CRB1: variants seen among roughly 807,000 people sequenced by gnomAD.
CRB1 encodes the protein crumbs cell polarity complex component 1.
In CRB1, 83 loss-of-function variants were observed where a neutral mutation model predicts 120.0. The observed-to-expected ratio is 0.69, with a 90% CI of 0.58 to 0.83. CRB1 has a LOEUF of 0.83. CRB1 is among the 40% of genes least tolerant of loss of function. The pLI is 0.00. For missense variants in CRB1, 1,699 were observed against 1,687.6 expected (o/e 1.01, Z -0.12); for synonymous variants, 625 against 612.5 (o/e 1.02, Z -0.30).
At chr1:197,452,101 T>C (rs968962864) in intron 11 of CRB1, among the ~76,000 whole-genome samples, 1 of 152,200 alleles carries the variant, frequency 6.6e-6, no homozygotes, top group Admixed American at 6.5e-5. Context: ...CTTCTTTATG[T>C]ATGAGATGAA....
chr1:197,214,700 C>T, the CRB1 span, among the ~76,000 whole-genome samples: 1 of 152,080 alleles, frequency 6.6e-6, no homozygotes, highest in African/African-American at 2.4e-5. Context: ...AACTTCACAA[C>T]AAAGGAAAGT....
chr1:197,255,778 C>A, the CRB1 span, among the ~76,000 whole-genome samples: 1 of 151,554 alleles, frequency 6.6e-6, no homozygotes, highest in Admixed American at 6.6e-5. Flanking sequence ...GTGATTCAGT[C>A]TAATACTTCA....
chr1:197,213,716 A>G, the CRB1 span, among the ~76,000 whole-genome samples: 1 of 152,222 alleles, frequency 6.6e-6, no homozygotes, highest in Admixed American at 6.5e-5. Context: ...GCTAGAAATC[A>G]ATAACAGGGA....
chr1:197,345,272 A>G (rs1659699183), intron 3 of CRB1, among the ~76,000 whole-genome samples: 1 of 152,148 alleles, frequency 6.6e-6, no homozygotes, highest in Non-Finnish European at 1.5e-5. Context: ...AGTGGAAGGC[A>G]AGATAAGTAT....
At chr1:197,293,246 C>T (rs1656303877) in intron 1 of CRB1, among the ~76,000 whole-genome samples, 1 of 152,118 alleles carries the variant, frequency 6.6e-6, no homozygotes, top group Non-Finnish European at 1.5e-5. Flanking sequence ...GCAAAAATCA[C>T]AAGCATTCTT....
intron 5 of CRB1, chr1:197,363,750 C>A (rs1660909152): frequency 3.4e-6 from 2 of 586,232 alleles, no homozygotes; most frequent in East Asian, 3.2e-5. Context: ...CCTTGCCATC[C>A]CTGCCCTTTC....
At chr1:197,359,238 C>T (rs553915972) in intron 5 of CRB1, among the ~76,000 whole-genome samples, 95 of 152,286 alleles carry the variant, frequency 6.2e-4, no homozygotes, top group African/African-American at 2.3e-3. Context: ...TCCCTGCCTC[C>T]TCATCCCTTA....
intron 1 of CRB1, among the ~76,000 whole-genome samples, chr1:197,323,773 A>G (rs1294278310): frequency 6.6e-6 from 1 of 152,068 alleles, no homozygotes; most frequent in Non-Finnish European, 1.5e-5. Flanking sequence ...TTGGTCCCTT[A>G]CCCTACCTAA....
chr1:197,209,315 T>G, the CRB1 span, among the ~76,000 whole-genome samples: 16 of 151,390 alleles, frequency 1.1e-4, 1 homozygote, highest in Admixed American at 1.1e-3. Flanking sequence ...TCTTGCCATT[T>G]TTGTTTTGTT....
At chr1:197,303,830 A>T (rs781100967) in intron 1 of CRB1, among the ~76,000 whole-genome samples, 2 of 152,094 alleles carry the variant, frequency 1.3e-5, no homozygotes, top group Non-Finnish European at 2.9e-5. Flanking sequence ...GCTGTTGAAA[A>T]CATACATTGA....
the CRB1 span, among the ~76,000 whole-genome samples, chr1:197,237,458 AT>A: frequency 6.6e-6 from 1 of 152,120 alleles, no homozygotes; most frequent in Non-Finnish European, 1.5e-5. Context: ...AAGATCACTA[AT>A]CCCATTCACA....
Position 197,344,413 on chromosome 1 carries a change from A to G in CRB1, c.785A>G (p.Asn262Ser). 1.9e-6 allele frequency: 3 copies of G among 1,614,004 alleles called. No individual in the cohort carries two copies. Among genetic ancestry groups the G allele is most frequent in the African/African-American group, 1.3e-5 (1 of 74,992 alleles). Residue 262 changes from asparagine (N) to serine (S), a missense_variant, in exon 3 of 12, where the codon AAC becomes AGC. Transcript: ENST00000367400. ...PGFLGDHCELNTDECASQPCL... is the reference protein window; with the variant it reads ...PGFLGDHCELSTDECASQPCL... Reference sequence around the variant, plus strand: ...TTCCTGGGGGATCACTGTGAACTCAACACTGATGAGTGTGCCAGTCAACCT... The same window carrying G: ...TTCCTGGGGGATCACTGTGAACTCAGCACTGATGAGTGTGCCAGTCAACCT...
chr1:197,388,983 T>C (rs989344539), intron 5 of CRB1, among the ~76,000 whole-genome samples: 3 of 152,098 alleles, frequency 2.0e-5, no homozygotes, highest in African/African-American at 4.8e-5. Flanking sequence ...ATTAGAGGAA[T>C]GCAAATCAAA....
chr1:197,436,829 G>T (rs144988822), intron 9 of CRB1, among the ~76,000 whole-genome samples: 3 of 152,238 alleles, frequency 2.0e-5, no homozygotes, highest in East Asian at 3.9e-4. Context: ...CACTGCAAAA[G>T]TGGATAATCC....
chr1:197,432,878 A>C (rs1043959529), intron 8 of CRB1, among the ~76,000 whole-genome samples: 1 of 152,106 alleles, frequency 6.6e-6, no homozygotes, highest in Non-Finnish European at 1.5e-5. Flanking sequence ...CTGGGGAAAT[A>C]ATATTCTTGG....
intron 4 of CRB1, among the ~76,000 whole-genome samples, chr1:197,355,628 T>C (rs972327696): frequency 1.3e-5 from 2 of 152,332 alleles, no homozygotes; most frequent in Non-Finnish European, 2.9e-5. Flanking sequence ...CCTCCACAGC[T>C]GCTGGCCCGG....
chr1:197,429,488 T>G lies in CRB1; in HGVS notation c.2716T>G (p.Trp906Gly), dbSNP rs1295526099. Residue 906 changes from tryptophan (W) to glycine (G), a missense_variant, in exon 8 of 12, where the codon TGG becomes GGG. Transcript: ENST00000367400. ...CHNGGVCHSR[W>G]DDFSCSCPAL... ...CAATGGAGGTGTTTGCCATTCCCGG[T>G]GGGATGACTTCTCCTGTTCCTGTCC... 3.1e-6 allele frequency: 5 copies of G among 1,613,946 alleles called. No individual in the cohort carries two copies. The African/African-American group carries it at 6.7e-5, about 22-fold the overall frequency.
intron 2 of CRB1, among the ~76,000 whole-genome samples, chr1:197,330,747 A>G (rs943277109): frequency 1.1e-4 from 16 of 152,280 alleles, no homozygotes; most frequent in African/African-American, 3.6e-4. Context: ...GTATTAAAGA[A>G]TCCCCTATAA....
At chr1:197,457,681 G>C (rs772786303) in intron 11 of CRB1, among the ~76,000 whole-genome samples, 3 of 152,126 alleles carry the variant, frequency 2.0e-5, no homozygotes, top group Non-Finnish European at 4.4e-5. Flanking sequence ...CAGGGCTGGC[G>C]GTAGGGTAGA....
Sources: gnomAD v4.1 joint callset for allele counts (sites outside exome capture counted in the v4.1 genomes callset) on GRCh38, gnomAD v4.1.1 for gene constraint, MANE v1.5 for transcripts, NCBI Gene and HGNC (gene_info 2026-07-23, HGNC 2026-07-21) for gene names.